Variants in SIK2 observed in about 807,000 individuals in gnomAD.
The protein encoded by SIK2 is salt inducible kinase 2.
SIK2 carries 29 observed loss-of-function variants against 103.2 expected under a neutral mutation model. The ratio of observed to expected loss-of-function variants is 0.28; its 90% confidence interval spans 0.21 to 0.38. The LOEUF (loss-of-function observed/expected upper bound fraction) is 0.38. Ranked by LOEUF, SIK2 falls within the 10% of genes least tolerant of loss-of-function variation. SIK2 has a pLI of 1.00. For missense variants in SIK2, 879 were observed against 1,171.0 expected, an observed-to-expected ratio of 0.75 and a Z score of 3.64; for synonymous variants, 412 against 446.1, an observed-to-expected ratio of 0.92 and a Z score of 0.96.
At chr11:111,605,313 TG>T (rs1247357336) in intron 1 of SIK2, among the ~76,000 whole-genome samples, 1 of 152,242 alleles carries the variant, frequency 6.6e-6, no homozygotes, top group Non-Finnish European at 1.5e-5. Context: ...TTGTTAATGA[TG>T]TTTTTTACAG....
rs188360284 is a variant in SIK2 at position 111,667,517 on chromosome 11, G to C, written c.317-20484G>C. Among the ~76,000 whole-genome samples the C allele has an allele frequency of 6.8e-3, 968 of 142,598 alleles. 8 individuals carry two copies. The highest frequency in any genetic ancestry group is 0.067 in the Middle Eastern group (18 of 270). The allele number at this position is 142,598 out of a possible 152,430, so 93.5% of individuals were successfully genotyped here. On this transcript the variant is annotated intron_variant, in intron 3 of 14. Coordinates refer to ENST00000304987, the MANE Select transcript of SIK2 (RefSeq NM_015191.3). Reference sequence around the variant, plus strand: ...TTTTTTTTTTTTTTTTTTGAGTCAGGGTCTCACTCTGTCGCCCAGGCTGGA... The same window carrying C: ...TTTTTTTTTTTTTTTTTTGAGTCAGCGTCTCACTCTGTCGCCCAGGCTGGA...
At chr11:111,721,095 T>C (rs1217583997) in intron 12 of SIK2, 33 bp downstream of exon 12, 1 of 1,589,684 alleles carries the variant, frequency 6.3e-7, no homozygotes, top group Non-Finnish European at 8.5e-7. Flanking sequence ...TCAATGGCTC[T>C]GTGAGGATGA....
intron 3 of SIK2, among the ~76,000 whole-genome samples, chr11:111,684,633 T>C (rs982085188): frequency 6.6e-6 from 1 of 152,200 alleles, no homozygotes; most frequent in East Asian, 1.9e-4. Flanking sequence ...AAGGTCCGTA[T>C]TTATAGTGGA....
At chr11:111,671,818 C>A in intron 3 of SIK2, 1 of 402,904 alleles carries the variant, frequency 2.5e-6, no homozygotes, top group Non-Finnish European at 4.8e-6. Flanking sequence ...ATTCGTTTTC[C>A]TTCTCTGTAT....
At chr11:111,656,038 A>T (rs1942387749) in intron 3 of SIK2, among the ~76,000 whole-genome samples, 1 of 151,858 alleles carries the variant, frequency 6.6e-6, no homozygotes, top group South Asian at 2.1e-4. Flanking sequence ...AAAAAAAAAA[A>T]AAATAGCCTG....
intron 3 of SIK2, among the ~76,000 whole-genome samples, chr11:111,665,838 A>G (rs928254743): frequency 6.6e-6 from 1 of 152,124 alleles, no homozygotes; most frequent in African/African-American, 2.4e-5. Context: ...AAAAAAGAAA[A>G]AAAGAAAGAA....
intron 3 of SIK2, among the ~76,000 whole-genome samples, chr11:111,663,134 T>C (rs1329691800): frequency 3.3e-5 from 5 of 150,808 alleles, no homozygotes; most frequent in Admixed American, 3.3e-4. Context: ...CCCAGGAGGC[T>C]GAGGTGGGAG....
intron 3 of SIK2, among the ~76,000 whole-genome samples, chr11:111,627,306 C>G (rs1158775784): frequency 6.6e-6 from 1 of 152,100 alleles, no homozygotes; most frequent in Non-Finnish European, 1.5e-5. Flanking sequence ...AGCGGTTTCA[C>G]TTACCTGAGG....
rs1265000181 is a variant in SIK2, at chr11:111,724,263, T to TC, written c.*135dup. The TC allele has an allele frequency of 1.3e-5, 17 of 1,283,894 alleles. No homozygotes were observed. In the African/African-American group the frequency reaches 1.8e-4, roughly 13 times the overall value. 79.5% of individuals were successfully genotyped at this position (1,283,894 alleles called of 1,614,324 possible). ...GAGAAATCGAGCCACCCAACTGGAA[T>TC]CAGAGGGTCTGGCTGGGGTGGATGT... On this transcript the variant is annotated 3_prime_UTR_variant, in exon 15 of 15. Coordinates refer to ENST00000304987, the MANE Select transcript of SIK2 (RefSeq NM_015191.3).
intron 7 of SIK2, 140 bp from the exon 8 acceptor site, chr11:111,704,847 C>G (rs1210898223): frequency 5.5e-6 from 5 of 913,550 alleles, no homozygotes; most frequent in Non-Finnish European, 6.2e-6. Flanking sequence ...ATTTTTGGAG[C>G]AGCTTTCATC....
rs1211450040 is a variant in SIK2 at position 111,724,332 on chromosome 11, A to C, written c.*203A>C. On this transcript the variant is annotated 3_prime_UTR_variant, in exon 15 of 15. Coordinates refer to ENST00000304987, the MANE Select transcript of SIK2 (RefSeq NM_015191.3). The stretch of plus-strand genomic sequence containing the variant: ...CCCCACCACAAAGTTTTCTGTGGCA[A>C]GTGCTGGAACATAGTTGTAGGCTGA... 1 of 702,414 alleles carries C rather than the reference A, an allele frequency of 1.4e-6. No individual in the cohort carries two copies. The highest frequency in any genetic ancestry group is 1.8e-5 in the African/African-American group (1 of 55,774). The allele number at this position is 702,414 out of a possible 1,614,324, so 43.5% of individuals were successfully genotyped here.
chr11:111,646,743 A>G (rs946208118), intron 3 of SIK2, among the ~76,000 whole-genome samples: 45 of 152,282 alleles, frequency 3.0e-4, no homozygotes, highest in African/African-American at 1.0e-3. Flanking sequence ...GGTTTCTTTC[A>G]CTCAGCATAA....
At chr11:111,699,438 C>T (rs997322887) in intron 4 of SIK2, among the ~76,000 whole-genome samples, 3 of 152,152 alleles carry the variant, frequency 2.0e-5, no homozygotes, top group Admixed American at 6.5e-5. Flanking sequence ...TGGCATTTTA[C>T]ATTCTTATTC....
intron 10 of SIK2, 112 bp from the exon 11 acceptor site, chr11:111,720,366 T>C: frequency 8.8e-7 from 1 of 1,138,608 alleles, no homozygotes; most frequent in Non-Finnish European, 1.2e-6. Context: ...ATGTTTTGAT[T>C]GGAAATTAAG....
At chr11:111,693,060 G>A (rs892333297) in intron 4 of SIK2, among the ~76,000 whole-genome samples, 1 of 152,088 alleles carries the variant, frequency 6.6e-6, no homozygotes, top group African/African-American at 2.4e-5. Flanking sequence ...CAGGCCGGGC[G>A]CAGTGGCTCA....
intron 3 of SIK2, among the ~76,000 whole-genome samples, chr11:111,677,019 A>G (rs1942711859): frequency 6.6e-6 from 1 of 152,222 alleles, no homozygotes; most frequent in Non-Finnish European, 1.5e-5. Context: ...GTCCAGTCAT[A>G]GTCATCACTT....
chr11:111,615,023 C>T (rs1237090441), intron 1 of SIK2, among the ~76,000 whole-genome samples: 1 of 152,070 alleles, frequency 6.6e-6, no homozygotes, highest in Non-Finnish European at 1.5e-5. Context: ...CCTGTAATCC[C>T]AGCTACTTGG....
intron 3 of SIK2, among the ~76,000 whole-genome samples, chr11:111,652,262 T>C (rs528841884): frequency 6.6e-6 from 1 of 152,282 alleles, no homozygotes; most frequent in East Asian, 1.9e-4. Flanking sequence ...CTGTGGGAAA[T>C]TGGCAATGAA....
intron 9 of SIK2, among the ~76,000 whole-genome samples, chr11:111,715,688 G>A (rs1031441724): frequency 1.3e-5 from 2 of 152,116 alleles, no homozygotes; most frequent in African/African-American, 2.4e-5. Context: ...GGCCATATGG[G>A]AGGGCAGATG....
Sources: gnomAD v4.1 joint callset for allele counts (sites outside exome capture counted in the v4.1 genomes callset) on GRCh38, gnomAD v4.1.1 for gene constraint, MANE v1.5 for transcripts, NCBI Gene and HGNC (gene_info 2026-07-23, HGNC 2026-07-21) for gene names.